Variants in KLF8 observed in about 807,000 individuals in gnomAD.
KLF8 encodes the protein Krueppel-like factor 8.
Under a neutral mutation model 18.2 loss-of-function variants are expected in KLF8, and 10 were observed. The observed-to-expected ratio is 0.55, with a 90% CI of 0.34 to 0.93. KLF8 has a LOEUF of 0.93. Among genes scored for constraint, KLF8 ranks in the 40% least tolerant of loss-of-function variants. The probability of loss-of-function intolerance (pLI) is 0.02; values close to 1 mark genes in which losing one functional copy is unlikely to be tolerated. For missense variants in KLF8, 264 were observed against 277.9 expected (o/e 0.95, Z 0.36); for synonymous variants, 109 against 97.3 (o/e 1.12, Z -0.71).
At chrX:55,942,406 A>AT in the KLF8 span, among the ~76,000 whole-genome samples, 1 of 110,619 alleles carries the variant, frequency 9.0e-6, no homozygotes, top group Non-Finnish European at 1.9e-5. Flanking sequence ...ATTAGGAGAT[A>AT]TACCTAATGT....
the KLF8 span, among the ~76,000 whole-genome samples, chrX:56,219,172 G>GA: frequency 8.9e-6 from 1 of 111,764 alleles, no homozygotes; most frequent in African/African-American, 3.2e-5. Context: ...TATTCTTTCA[G>GA]AAAAAAAGAA....
the KLF8 span, among the ~76,000 whole-genome samples, chrX:55,977,713 T>C: frequency 9.0e-6 from 1 of 111,631 alleles, no homozygotes; most frequent in Non-Finnish European, 1.9e-5. Flanking sequence ...TGTTAAAGGG[T>C]AGCCATTGGA....
chrX:56,092,184 G>A, the KLF8 span, among the ~76,000 whole-genome samples: 1 of 110,748 alleles, frequency 9.0e-6, no homozygotes, highest in Non-Finnish European at 1.9e-5. Flanking sequence ...TTTTATTCCT[G>A]TTGAATTGAG....
chrX:56,180,604 T>C, the KLF8 span, among the ~76,000 whole-genome samples: 2 of 111,504 alleles, frequency 1.8e-5, no homozygotes, highest in South Asian at 7.7e-4. Flanking sequence ...CTTTTAGTGC[T>C]ATAAATTTAC....
chrX:56,054,382 A>G, the KLF8 span, among the ~76,000 whole-genome samples: 3 of 111,488 alleles, frequency 2.7e-5, no homozygotes, highest in Non-Finnish European at 5.6e-5. Context: ...CCATTTTCAT[A>G]TAATTGTATG....
chrX:56,236,962 GATATAT>G (rs3052513), intron 1 of KLF8, among the ~76,000 whole-genome samples: 1 of 93,329 alleles, frequency 1.1e-5, no homozygotes, highest in African/African-American at 4.0e-5. Context: ...TAGATAGATG[GATATAT>G]ATATATATAT....
At chrX:55,961,502 G>A in the KLF8 span, 40 of 548,658 alleles carry the variant, frequency 7.3e-5, 1 homozygote, top group South Asian at 5.4e-4. Context: ...CTGCCCATTG[G>A]GGGTCTGGCT....
chrX:55,991,601 G>C, the KLF8 span, among the ~76,000 whole-genome samples: 1 of 111,301 alleles, frequency 9.0e-6, no homozygotes, highest in East Asian at 2.8e-4. Flanking sequence ...TGCTCACGCT[G>C]GGACCTGTAG....
At chrX:56,185,850 G>T in the KLF8 span, among the ~76,000 whole-genome samples, 28 of 111,701 alleles carry the variant, frequency 2.5e-4, no homozygotes, top group Non-Finnish European at 4.5e-4. Context: ...CACCAGGCCT[G>T]CCCTAAAAGA....
the KLF8 span, among the ~76,000 whole-genome samples, chrX:55,912,397 C>A: frequency 1.8e-5 from 2 of 111,236 alleles, no homozygotes; most frequent in Middle Eastern, 4.6e-3. Flanking sequence ...TGTTCCCATC[C>A]CATATCAGAA....
chrX:56,079,598 C>A, the KLF8 span, among the ~76,000 whole-genome samples: 1 of 111,236 alleles, frequency 9.0e-6, no homozygotes, highest in Non-Finnish European at 1.9e-5. Flanking sequence ...TGGTGTGGTG[C>A]TGAAAAAAAT....
the KLF8 span, among the ~76,000 whole-genome samples, chrX:56,176,062 TGG>T: frequency 1.8e-5 from 2 of 111,854 alleles, no homozygotes; most frequent in African/African-American, 6.5e-5. Context: ...TTTTGCCACT[TGG>T]TGTCTTTTAA....
chrX:56,029,083 G>A, the KLF8 span, among the ~76,000 whole-genome samples: 1 of 110,935 alleles, frequency 9.0e-6, no homozygotes, highest in African/African-American at 3.3e-5. Flanking sequence ...TTGTCTGATT[G>A]GCTGGGCCCC....
At chrX:55,957,934 C>A in the KLF8 span, among the ~76,000 whole-genome samples, 1 of 111,916 alleles carries the variant, frequency 8.9e-6, no homozygotes, top group Non-Finnish European at 1.9e-5. Flanking sequence ...TCTCATTTAA[C>A]AGATGAGAAA....
chrX:56,276,146 G>A (rs746192085), intron 5 of KLF8, among the ~76,000 whole-genome samples: 19 of 89,727 alleles, frequency 2.1e-4, no homozygotes, highest in African/African-American at 6.0e-4. Flanking sequence ...CCCCGCCCCC[G>A]CACCTCGCCC....
rs573472409 is a variant in KLF8, at chrX:56,268,816, T to G, written c.647-562T>G. On this transcript the variant is annotated intron_variant, in intron 3 of 5. Coordinates refer to ENST00000468660, the MANE Select transcript of KLF8 (RefSeq NM_007250.5). ...TCAGGGGTTGATAATAAGGAATATT[T>G]GACAGCTTCTCCCAACATAGGTGGA... The G allele has an allele frequency of 9.8e-6, 8 of 815,797 alleles. No homozygotes were observed. The South Asian group carries it at 2.8e-4, about 29-fold the overall frequency. The allele number at this position is 815,797 out of a possible 1,213,427, so 67.2% of individuals were successfully genotyped here. A position where few individuals can be genotyped will look rare whatever the true frequency, so the allele number is the denominator to read the frequency against.
At chrX:56,107,976 T>A in the KLF8 span, among the ~76,000 whole-genome samples, 1 of 112,286 alleles carries the variant, frequency 8.9e-6, no homozygotes, top group East Asian at 2.8e-4. Context: ...TGAATATTAT[T>A]GTAAATGGAA....
the KLF8 span, chrX:55,962,410 C>A: frequency 4.2e-6 from 1 of 236,190 alleles, no homozygotes; most frequent in Non-Finnish European, 8.0e-6. Flanking sequence ...AAGATGGCCA[C>A]ATCTCTGTGG....
chrX:55,964,986 G>A, the KLF8 span, among the ~76,000 whole-genome samples: 1 of 111,646 alleles, frequency 9.0e-6, no homozygotes, highest in South Asian at 3.8e-4. Context: ...ATATTTAAAA[G>A]ACCTGGTACC....
Sources: allele counts gnomAD v4.1 joint callset (sites outside exome capture counted in the v4.1 genomes callset), GRCh38; gene constraint gnomAD v4.1.1; transcripts MANE v1.5; gene names NCBI Gene and HGNC (gene_info 2026-07-23, HGNC 2026-07-21).